DLD: variants seen among roughly 807,000 people sequenced by gnomAD.
DLD encodes the protein dihydrolipoyl dehydrogenase, mitochondrial.
In DLD, 36 loss-of-function variants were observed where a neutral mutation model predicts 62.2. The ratio of observed to expected loss-of-function variants is 0.58; its 90% confidence interval spans 0.44 to 0.76. The LOEUF (loss-of-function observed/expected upper bound fraction) is 0.76. DLD is among the 30% of genes least tolerant of loss of function. The pLI is 0.00. For missense variants in DLD, 541 were observed against 608.6 expected, an observed-to-expected ratio of 0.89 and a Z score of 1.17; for synonymous variants, 204 against 199.6, an observed-to-expected ratio of 1.02 and a Z score of -0.19.
rs1389534242 is a variant in DLD at position 107,920,570 on chromosome 7, T to C, written c.*1311T>C. On this transcript the variant is annotated 3_prime_UTR_variant, in exon 14 of 14. Coordinates refer to ENST00000205402, the MANE Select transcript of DLD (RefSeq NM_000108.5). ...GTTGTTTTAGCTTTAGCTATGCTGCTGGAAGTCTTTCCCATGCAAGTGTGT... is the reference window on the plus strand; with the variant it reads ...GTTGTTTTAGCTTTAGCTATGCTGCCGGAAGTCTTTCCCATGCAAGTGTGT... The C allele has an allele frequency of 6.6e-6, 1 of 152,278 alleles. No individual in the cohort carries two copies. Among genetic ancestry groups the C allele is most frequent in the Non-Finnish European group, 1.5e-5 (1 of 68,050 alleles). 9.4% of individuals were successfully genotyped at this position (152,278 alleles called of 1,614,324 possible). A position where few individuals can be genotyped will look rare whatever the true frequency, so the allele number is the denominator to read the frequency against.
At chr7:107,916,712 G>C (rs2032278247) in intron 9 of DLD, 82 bp from the exon 10 acceptor site, 2 of 1,374,758 alleles carry the variant, frequency 1.5e-6, no homozygotes. Context: ...ATCAACACTT[G>C]AGAAATTGCT....
chr7:107,910,922 C>T (rs2116244914), intron 8 of DLD, among the ~76,000 whole-genome samples: 1 of 152,230 alleles, frequency 6.6e-6, no homozygotes, highest in Admixed American at 6.5e-5. Flanking sequence ...CATTATTTCC[C>T]CTCTATTTAC....
At chr7:107,914,340 G>A (rs1209861434) in intron 8 of DLD, among the ~76,000 whole-genome samples, 6 of 151,888 alleles carry the variant, frequency 4.0e-5, no homozygotes, top group Non-Finnish European at 8.8e-5. Context: ...TTCTGTTTTT[G>A]TGTTCTCAAT....
intron 2 of DLD, among the ~76,000 whole-genome samples, chr7:107,896,968 TG>T (rs933456317): frequency 4.3e-4 from 65 of 152,128 alleles, no homozygotes; most frequent in African/African-American, 1.5e-3. Context: ...CCCGAGTAGC[TG>T]GGATTACAGG....
intron 10 of DLD, 126 bp from the exon 11 acceptor site, chr7:107,917,147 G>T: frequency 8.0e-7 from 1 of 1,247,540 alleles, no homozygotes; most frequent in Non-Finnish European, 1.1e-6. Flanking sequence ...ATAGATTTTT[G>T]AAGAGCTGCA....
intron 2 of DLD, among the ~76,000 whole-genome samples, chr7:107,900,764 C>A (rs1219314584): frequency 6.6e-6 from 1 of 152,058 alleles, no homozygotes; most frequent in African/African-American, 2.4e-5. Context: ...TCTTTATCTT[C>A]CTCATAGGAA....
intron 8 of DLD, among the ~76,000 whole-genome samples, chr7:107,914,408 T>C (rs1198628608): frequency 6.6e-6 from 1 of 152,140 alleles, no homozygotes; most frequent in Non-Finnish European, 1.5e-5. Context: ...CTTTTATGGA[T>C]TGTGCTGTTG....
chr7:107,903,399 A>G (rs185937504), intron 4 of DLD, 79 bp from the exon 5 acceptor site: 31 of 923,134 alleles, frequency 3.4e-5, no homozygotes, highest in African/African-American at 3.3e-4. Context: ...AAGAAAGACT[A>G]TCATTTCATA....
intron 1 of DLD, among the ~76,000 whole-genome samples, chr7:107,892,951 A>G (rs2031625367): frequency 6.6e-6 from 1 of 152,234 alleles, no homozygotes; most frequent in Admixed American, 6.5e-5. Context: ...ATTAAGTTAA[A>G]TATGAGATGA....
chr7:107,898,077 T>C (rs937829915), intron 2 of DLD, among the ~76,000 whole-genome samples: 1 of 152,048 alleles, frequency 6.6e-6, no homozygotes. Flanking sequence ...GTCAGTCACC[T>C]CTTATTGTAC....
At chr7:107,908,807 A>G (rs2116235899) in intron 8 of DLD, among the ~76,000 whole-genome samples, 2 of 152,320 alleles carry the variant, frequency 1.3e-5, no homozygotes, top group South Asian at 4.2e-4. Flanking sequence ...GTACCCACTA[A>G]TAATAATACA....
chr7:107,896,854 G>C (rs1473969085), intron 2 of DLD, among the ~76,000 whole-genome samples: 1 of 128,554 alleles, frequency 7.8e-6, no homozygotes, highest in Non-Finnish European at 1.6e-5. Context: ...TTTTTTTTTT[G>C]AGACAAAGTC....
At chr7:107,896,325 A>T (rs2031722863) in intron 2 of DLD, among the ~76,000 whole-genome samples, 1 of 152,178 alleles carries the variant, frequency 6.6e-6, no homozygotes, top group South Asian at 2.1e-4. Flanking sequence ...GGGGAGTGAC[A>T]CTGAGTTGCT....
intron 2 of DLD, among the ~76,000 whole-genome samples, chr7:107,898,002 T>C (rs1345378120): frequency 1.3e-5 from 2 of 152,188 alleles, no homozygotes; most frequent in African/African-American, 4.8e-5. Flanking sequence ...TGTAGGAATT[T>C]GTAGAGTACT....
intron 2 of DLD, among the ~76,000 whole-genome samples, chr7:107,896,065 T>C (rs1254297866): frequency 6.6e-6 from 1 of 152,170 alleles, no homozygotes; most frequent in Admixed American, 6.5e-5. Flanking sequence ...TTAAACTGCA[T>C]GGTATTGGTG....
At chr7:107,897,724 A>G (rs2031763830) in intron 2 of DLD, among the ~76,000 whole-genome samples, 2 of 151,650 alleles carry the variant, frequency 1.3e-5, no homozygotes, top group African/African-American at 4.8e-5. Context: ...GACTACAGGC[A>G]CGCACCACTA....
chr7:107,891,147 G>A, upstream of DLD: 1 of 1,429,438 alleles, frequency 7.0e-7, no homozygotes, highest in Non-Finnish European at 9.8e-7. Flanking sequence ...GGGTGATGAC[G>A]TAGGCTGCGC....
At chr7:107,916,487 C>T (rs2032272010) in intron 9 of DLD, among the ~76,000 whole-genome samples, 1 of 152,104 alleles carries the variant, frequency 6.6e-6, no homozygotes, top group Non-Finnish European at 1.5e-5. Context: ...AGCCTGGCAA[C>T]ATGGTGAAAC....
rs750396016 is a variant in DLD, at chr7:107,919,105, T to C, written c.1464+6T>C. ...GAGTCTGTCATGCACATCCGGTAAT[T>C]ATTAACAACATATAGAATTGATGGT... is the stretch of plus-strand genomic sequence containing the variant. On this transcript the variant is annotated splice_donor_region_variant and intron_variant, in intron 13 of 13. Coordinates refer to ENST00000205402, the MANE Select transcript of DLD (RefSeq NM_000108.5). The C allele has an allele frequency of 2.5e-6, 4 of 1,613,392 alleles. No individual in the cohort carries two copies. Among genetic ancestry groups the C allele is most frequent in the African/African-American group, 1.3e-5 (1 of 75,044 alleles).
Sources: gnomAD v4.1 joint callset for allele counts (sites outside exome capture counted in the v4.1 genomes callset) on GRCh38, gnomAD v4.1.1 for gene constraint, MANE v1.5 for transcripts, NCBI Gene and HGNC (gene_info 2026-07-23, HGNC 2026-07-21) for gene names.